PTPRM: variants seen among roughly 807,000 people sequenced by gnomAD.
PTPRM encodes the protein receptor-type tyrosine-protein phosphatase mu.
PTPRM carries 47 observed loss-of-function variants against 186.7 expected under a neutral mutation model. That is an observed-to-expected ratio of 0.25 (90% CI 0.20 to 0.32). The LOEUF is 0.32. Ranked by LOEUF, PTPRM falls within the 10% of genes least tolerant of loss-of-function variation. The pLI is 1.00. For synonymous variants in PTPRM, 668 were observed against 674.9 expected (o/e 0.99, Z 0.16); for missense variants, 1,494 against 1,865.0 (o/e 0.80, Z 3.66).
intron 1 of PTPRM, among the ~76,000 whole-genome samples, chr18:7,634,261 A>G (rs953705864): frequency 6.6e-6 from 1 of 151,838 alleles, no homozygotes; most frequent in Non-Finnish European, 1.5e-5. Flanking sequence ...GTTCACTGCC[A>G]TCTCCAGCCT....
intron 20 of PTPRM, among the ~76,000 whole-genome samples, chr18:8,298,602 T>G (rs2095121807): frequency 6.6e-6 from 1 of 152,226 alleles, no homozygotes; most frequent in South Asian, 2.1e-4. Flanking sequence ...AGCACTTACA[T>G]ATGCCAGACA....
At chr18:7,675,453 G>C (rs190918204) in intron 1 of PTPRM, among the ~76,000 whole-genome samples, 1 of 152,108 alleles carries the variant, frequency 6.6e-6, no homozygotes, top group Non-Finnish European at 1.5e-5. Flanking sequence ...AGCCCACTGA[G>C]AGCCCATGTA....
At chr18:8,376,934 A>G (rs2095699933) in intron 26 of PTPRM, 1 of 211,032 alleles carries the variant, frequency 4.7e-6, no homozygotes. Context: ...TGGTAACCAG[A>G]GCAAGACCGC....
intron 2 of PTPRM, among the ~76,000 whole-genome samples, chr18:7,865,074 T>C (rs2047609113): frequency 6.6e-6 from 1 of 152,230 alleles, no homozygotes; most frequent in Non-Finnish European, 1.5e-5. Flanking sequence ...CTGAAGTTGC[T>C]TGTCAGCTTA....
intron 14 of PTPRM, among the ~76,000 whole-genome samples, chr18:8,154,318 G>C (rs1222477160): frequency 1.3e-5 from 2 of 152,172 alleles, no homozygotes; most frequent in Admixed American, 6.5e-5. Context: ...ATTCCTGTGT[G>C]GACTGGTTAG....
chr18:7,917,483 C>G (rs1374928007), intron 4 of PTPRM, among the ~76,000 whole-genome samples: 1 of 152,164 alleles, frequency 6.6e-6, no homozygotes, highest in Non-Finnish European at 1.5e-5. Context: ...TTGCAGTGAG[C>G]CCAGCTCGCG....
intron 11 of PTPRM, among the ~76,000 whole-genome samples, chr18:8,112,313 A>G (rs915179833): frequency 6.6e-6 from 1 of 152,222 alleles, no homozygotes; most frequent in Non-Finnish European, 1.5e-5. Context: ...GCCCACAGAG[A>G]TAGGTGGTTC....
intron 1 of PTPRM, among the ~76,000 whole-genome samples, chr18:7,584,782 T>G (rs904097893): frequency 3.3e-5 from 5 of 152,146 alleles, no homozygotes; most frequent in African/African-American, 1.2e-4. Context: ...GAGAGTGAAA[T>G]GAGGTAGAAT....
intron 2 of PTPRM, among the ~76,000 whole-genome samples, chr18:7,850,128 A>C (rs191305084): frequency 5.2e-4 from 79 of 152,304 alleles, no homozygotes; most frequent in African/African-American, 1.9e-3. Flanking sequence ...TGATTCATGT[A>C]CCAATATGTC....
chr18:7,968,203 A>C (rs2054279875), intron 7 of PTPRM, among the ~76,000 whole-genome samples: 1 of 104,732 alleles, frequency 9.5e-6, no homozygotes, highest in Admixed American at 9.4e-5. Context: ...ATCCAGCCAA[A>C]CTAAGCTTCA....
At chr18:7,655,516 A>G (rs958263066) in intron 1 of PTPRM, among the ~76,000 whole-genome samples, 1 of 152,260 alleles carries the variant, frequency 6.6e-6, no homozygotes, top group African/African-American at 2.4e-5. Flanking sequence ...AAAGGTAATC[A>G]TAGTCTTAGA....
At chr18:7,884,407 G>T (rs1304422912) in intron 2 of PTPRM, among the ~76,000 whole-genome samples, 1 of 152,146 alleles carries the variant, frequency 6.6e-6, no homozygotes, top group Non-Finnish European at 1.5e-5. Context: ...TCCTCTAAAA[G>T]ATCATGAGTG....
chr18:8,317,816 AC>A (rs1353344849), intron 21 of PTPRM, among the ~76,000 whole-genome samples: 1 of 152,222 alleles, frequency 6.6e-6, no homozygotes, highest in African/African-American at 2.4e-5. Context: ...GGGTGACTTC[AC>A]CATCAGATGA....
chr18:7,794,139 G>A (rs138917884), intron 2 of PTPRM, among the ~76,000 whole-genome samples: 60 of 152,258 alleles, frequency 3.9e-4, no homozygotes, highest in African/African-American at 1.2e-3. Context: ...CCAATCTCAC[G>A]TGTGATCTGA....
At chr18:8,262,057 G>A (rs767532292) in intron 19 of PTPRM, among the ~76,000 whole-genome samples, 5 of 151,854 alleles carry the variant, frequency 3.3e-5, no homozygotes, top group East Asian at 1.9e-4. Context: ...TGCTGTCACC[G>A]CCCACTAACA....
intron 7 of PTPRM, among the ~76,000 whole-genome samples, chr18:8,013,612 AC>A (rs2084676546): frequency 6.6e-6 from 1 of 152,170 alleles, no homozygotes; most frequent in Non-Finnish European, 1.5e-5. Context: ...AGGAAAATCC[AC>A]ATAGAAGTGG....
chr18:8,111,227 A>G (rs540397638), intron 11 of PTPRM, among the ~76,000 whole-genome samples: 2 of 152,260 alleles, frequency 1.3e-5, no homozygotes, highest in Non-Finnish European at 2.9e-5. Context: ...TAGTATATGG[A>G]TTTCCCAGAA....
chr18:8,032,875 G>A (rs912625439), intron 7 of PTPRM, among the ~76,000 whole-genome samples: 5 of 151,948 alleles, frequency 3.3e-5, no homozygotes, highest in South Asian at 2.1e-4. Flanking sequence ...ACCCCCTATA[G>A]GTTAAGGTTT....
At chr18:7,631,757 C>T (rs1199534919) in intron 1 of PTPRM, among the ~76,000 whole-genome samples, 1 of 152,028 alleles carries the variant, frequency 6.6e-6, no homozygotes, top group Non-Finnish European at 1.5e-5. Context: ...GACCGGGCAC[C>T]CCTGGTCTAG....
Sources: allele counts gnomAD v4.1 joint callset (sites outside exome capture counted in the v4.1 genomes callset), GRCh38; gene constraint gnomAD v4.1.1; transcripts MANE v1.5; gene names NCBI Gene and HGNC (gene_info 2026-07-23, HGNC 2026-07-21).